PTPRD: variants seen among roughly 807,000 people sequenced by gnomAD.
PTPRD encodes receptor-type tyrosine-protein phosphatase delta.
A neutral mutation model predicts 214.5 loss-of-function variants in PTPRD; 34 were observed. That is an observed-to-expected ratio of 0.16 (90% CI 0.12 to 0.21). The LOEUF (loss-of-function observed/expected upper bound fraction) is 0.21. PTPRD is among the 10% of genes least tolerant of loss of function. The pLI is 1.00. For missense variants in PTPRD, 2,545 were observed against 2,398.7 expected, an observed-to-expected ratio of 1.06 and a Z score of -1.27; for synonymous variants, 1,128 against 845.7, an observed-to-expected ratio of 1.33 and a Z score of -5.79.
At chr9:8,660,981 C>T (rs1328987839) in intron 12 of PTPRD, among the ~76,000 whole-genome samples, 6 of 152,056 alleles carry the variant, frequency 3.9e-5, no homozygotes, top group African/African-American at 1.2e-4. Flanking sequence ...CACACACAAA[C>T]ACTTGCACTC....
intron 11 of PTPRD, among the ~76,000 whole-genome samples, chr9:8,974,236 G>C (rs1481992589): frequency 6.6e-6 from 1 of 151,972 alleles, no homozygotes; most frequent in Non-Finnish European, 1.5e-5. Context: ...GTAGTGAAAG[G>C]TAAAGATCTA....
chr9:8,698,138 ACT>A (rs1329245399), intron 12 of PTPRD, among the ~76,000 whole-genome samples: 1 of 152,220 alleles, frequency 6.6e-6, no homozygotes, highest in Non-Finnish European at 1.5e-5. Flanking sequence ...TAAATACAAC[ACT>A]CAAAAAATGA....
intron 2 of PTPRD, among the ~76,000 whole-genome samples, chr9:10,411,140 T>A (rs1224786508): frequency 6.6e-6 from 1 of 151,798 alleles, no homozygotes; most frequent in Non-Finnish European, 1.5e-5. Context: ...TAGACTGCCA[T>A]GACAAAGAAT....
rs141703569 is a variant in PTPRD at position 8,837,504 on chromosome 9, T to C, written c.-103-103558A>G. On this transcript the variant is annotated intron_variant, in intron 11 of 45. Transcript: ENST00000381196. The stretch of plus-strand genomic sequence containing the variant: ...CTCCTTTTCTCTTCCTTTTTTTGTT[T>C]TGTTTTGTTTTGTTTTGAGAAGAGG... Among the ~76,000 whole-genome samples the C allele has an allele frequency of 2.2e-4, 34 of 152,006 alleles. No individual in the cohort carries two copies. The East Asian group carries it at 6.4e-3, about 29-fold the overall frequency.
At chr9:10,236,674 TA>T (rs1194206075) in intron 3 of PTPRD, among the ~76,000 whole-genome samples, 1 of 151,894 alleles carries the variant, frequency 6.6e-6, no homozygotes, top group East Asian at 1.9e-4. Context: ...GCATTTAGGA[TA>T]TATTGAAAAT....
At chr9:8,555,535 G>A (rs991097401) in intron 14 of PTPRD, among the ~76,000 whole-genome samples, 1 of 152,230 alleles carries the variant, frequency 6.6e-6, no homozygotes, top group East Asian at 1.9e-4. Flanking sequence ...GTAATTTGAT[G>A]TTAAACACTA....
At chr9:9,027,592 A>T (rs1467157872) in intron 10 of PTPRD, among the ~76,000 whole-genome samples, 1 of 151,880 alleles carries the variant, frequency 6.6e-6, no homozygotes, top group African/African-American at 2.4e-5. Context: ...TGTACTGCAT[A>T]TTTGTATCAT....
intron 4 of PTPRD, among the ~76,000 whole-genome samples, chr9:10,019,311 A>G (rs962623822): frequency 3.9e-5 from 6 of 152,172 alleles, no homozygotes; most frequent in Non-Finnish European, 8.8e-5. Context: ...AAATAGGAAC[A>G]CTTTTACACT....
chr9:8,666,393 G>A (rs1042359225), intron 12 of PTPRD, among the ~76,000 whole-genome samples: 13 of 151,804 alleles, frequency 8.6e-5, no homozygotes, highest in African/African-American at 3.1e-4. Context: ...TATTTTCCTG[G>A]GATAATCCAT....
At chr9:8,848,837 G>A (rs1425670785) in intron 11 of PTPRD, among the ~76,000 whole-genome samples, 2 of 126,216 alleles carry the variant, frequency 1.6e-5, no homozygotes, top group Non-Finnish European at 3.6e-5. Context: ...ATCTCTCCAT[G>A]GATCAACCCT....
intron 2 of PTPRD, among the ~76,000 whole-genome samples, chr9:10,568,199 G>T (rs1184936577): frequency 7.0e-6 from 1 of 143,850 alleles, no homozygotes; most frequent in African/African-American, 2.6e-5. Flanking sequence ...TCCCACCTAT[G>T]AGTGAGAACA....
At chr9:9,547,639 T>C (rs1274021554) in intron 8 of PTPRD, among the ~76,000 whole-genome samples, 2 of 152,108 alleles carry the variant, frequency 1.3e-5, no homozygotes, top group Non-Finnish European at 1.5e-5. Flanking sequence ...AGGATATCTG[T>C]ATGACAAGGA....
At chr9:8,629,863 A>G (rs2096192271) in intron 14 of PTPRD, among the ~76,000 whole-genome samples, 1 of 151,794 alleles carries the variant, frequency 6.6e-6, no homozygotes, top group Admixed American at 6.6e-5. Flanking sequence ...TTCGGGGCAC[A>G]TTCAGCCTGA....
At chr9:10,099,750 G>A (rs1290555284) in intron 3 of PTPRD, among the ~76,000 whole-genome samples, 2 of 151,442 alleles carry the variant, frequency 1.3e-5, no homozygotes, top group African/African-American at 4.8e-5. Context: ...AAAGAGTGTG[G>A]AAGTGGAGCA....
rs557396782 is a variant in PTPRD at position 10,417,382 on chromosome 9, A to G, written c.-599-76365T>C. 2.2e-4 allele frequency among the ~76,000 whole-genome samples: 33 copies of G among 152,018 alleles called. No homozygotes were observed. In the South Asian group the frequency reaches 6.0e-3, roughly 28 times the overall value. Reference sequence around the variant, plus strand: ...TATTTTCTTCATTCTTGAAACCTCAAAATGATCTCTGAAGAATATCTTATC... The same window carrying G: ...TATTTTCTTCATTCTTGAAACCTCAGAATGATCTCTGAAGAATATCTTATC... On this transcript the variant is annotated intron_variant, in intron 2 of 45. Coordinates refer to ENST00000381196, the MANE Select transcript of PTPRD (RefSeq NM_002839.4).
chr9:8,349,223 A>T (rs2074734694), intron 39 of PTPRD, among the ~76,000 whole-genome samples: 1 of 151,940 alleles, frequency 6.6e-6, no homozygotes, highest in Admixed American at 6.6e-5. Flanking sequence ...CTTATGCTTC[A>T]CTCCAATTGC....
chr9:8,844,265 G>T (rs865894482), intron 11 of PTPRD, among the ~76,000 whole-genome samples: 5 of 152,226 alleles, frequency 3.3e-5, no homozygotes, highest in South Asian at 4.1e-4. Flanking sequence ...TAGTTGCAAA[G>T]AACATTATTA....
chr9:9,903,454 G>A (rs1003146876), intron 5 of PTPRD, among the ~76,000 whole-genome samples: 1 of 152,028 alleles, frequency 6.6e-6, no homozygotes, highest in Non-Finnish European at 1.5e-5. Flanking sequence ...TATTGATAAA[G>A]CACTTAGAAT....
rs186075952 is a variant in PTPRD, at chr9:9,249,889, A to C, written c.-202-66526T>G. On this transcript the variant is annotated intron_variant, in intron 9 of 45. Transcript: ENST00000381196. The stretch of plus-strand genomic sequence containing the variant: ...TCAGTGGTTTCAGGTAATGAATTAT[A>C]GTTCTTTAGAATTCAAAACATACTT... Among the ~76,000 whole-genome samples the C allele has an allele frequency of 3.9e-5, 6 of 152,234 alleles. No individual in the cohort carries two copies. The East Asian group carries it at 1.2e-3, about 30-fold the overall frequency.
Sources: allele counts gnomAD v4.1 joint callset (sites outside exome capture counted in the v4.1 genomes callset), GRCh38; gene constraint gnomAD v4.1.1; transcripts MANE v1.5; gene names NCBI Gene and HGNC (gene_info 2026-07-23, HGNC 2026-07-21).